The following BTRC variants were observed in gnomAD, a reference collection of about 807,000 sequenced individuals.
BTRC encodes F-box/WD repeat-containing protein 1A.
A neutral mutation model predicts 85.5 loss-of-function variants in BTRC; 42 were observed. The observed-to-expected ratio is 0.49, with a 90% confidence interval of 0.38 to 0.64. BTRC has a LOEUF of 0.64. Among genes scored for constraint, BTRC ranks in the 30% least tolerant of loss-of-function variants. The probability of loss-of-function intolerance (pLI) is 0.00; values close to 1 mark genes in which losing one functional copy is unlikely to be tolerated. For synonymous variants in BTRC, 255 were observed against 263.3 expected (o/e 0.97, Z 0.30); for missense variants, 594 against 743.5 (o/e 0.80, Z 2.34).
At chr10:101,447,776 G>T (rs978622829) in intron 2 of BTRC, among the ~76,000 whole-genome samples, 4 of 151,968 alleles carry the variant, frequency 2.6e-5, no homozygotes, top group Admixed American at 2.6e-4. Flanking sequence ...ATTAAAATTA[G>T]CCTAATTTGA....
chr10:101,498,772 C>T (rs1049277832), intron 4 of BTRC, among the ~76,000 whole-genome samples: 1 of 152,058 alleles, frequency 6.6e-6, no homozygotes, highest in Non-Finnish European at 1.5e-5. Context: ...AGGCAGATGA[C>T]CGAAGGTCAG....
chr10:101,435,127 T>C (rs763328210), intron 2 of BTRC, among the ~76,000 whole-genome samples: 2 of 152,174 alleles, frequency 1.3e-5, no homozygotes, highest in Non-Finnish European at 2.9e-5. Flanking sequence ...ACAGCAGTCT[T>C]AGTGCATTTG....
At chr10:101,415,968 G>A (rs777825666) in intron 1 of BTRC, among the ~76,000 whole-genome samples, 2 of 152,238 alleles carry the variant, frequency 1.3e-5, no homozygotes, top group Non-Finnish European at 2.9e-5. Context: ...TAGCACAGGA[G>A]CAATATGCTC....
intron 13 of BTRC, among the ~76,000 whole-genome samples, chr10:101,549,704 ACT>A (rs1247775499): frequency 2.2e-5 from 3 of 136,964 alleles, no homozygotes; most frequent in Admixed American, 1.5e-4. Context: ...AAAGAGCGAG[ACT>A]CTGTCTCAAA....
chr10:101,404,706 A>C (rs1448094422), intron 1 of BTRC, among the ~76,000 whole-genome samples: 1 of 152,006 alleles, frequency 6.6e-6, no homozygotes, highest in African/African-American at 2.4e-5. Flanking sequence ...CAGTTCTCAA[A>C]GTCTATGCCT....
At chr10:101,370,633 C>T (rs1348152548) in intron 1 of BTRC, among the ~76,000 whole-genome samples, 4 of 150,048 alleles carry the variant, frequency 2.7e-5, no homozygotes, top group Non-Finnish European at 1.5e-5. Context: ...CCCTTTCTCC[C>T]ATCTAGGCTC....
chr10:101,387,451 C>T (rs534391398), intron 1 of BTRC, among the ~76,000 whole-genome samples: 1 of 148,872 alleles, frequency 6.7e-6, no homozygotes, highest in Non-Finnish European at 1.5e-5. Flanking sequence ...CTTTATAATA[C>T]ACCTTTTTTA....
intron 1 of BTRC, among the ~76,000 whole-genome samples, chr10:101,387,134 A>G (rs1298665462): frequency 6.6e-6 from 1 of 152,014 alleles, no homozygotes; most frequent in South Asian, 2.1e-4. Flanking sequence ...TCATTTATTT[A>G]TATCAGTGCC....
At chr10:101,432,501 GT>G (rs1321102677) in intron 2 of BTRC, among the ~76,000 whole-genome samples, 2 of 152,024 alleles carry the variant, frequency 1.3e-5, no homozygotes, top group Non-Finnish European at 2.9e-5. Flanking sequence ...TAGTTTGTTG[GT>G]TTTTTTGTTT....
intron 13 of BTRC, among the ~76,000 whole-genome samples, chr10:101,540,023 C>T (rs1004816574): frequency 6.6e-6 from 1 of 152,170 alleles, no homozygotes; most frequent in African/African-American, 2.4e-5. Context: ...TTATAAGTTA[C>T]AAATGCATTA....
chr10:101,462,019 C>T lies in BTRC; in HGVS notation c.195C>T (p.Pro65=). ...GAGAAGACTGTAATAATGGCGAACC[C>T]CCTAGGAAGATAATACCAGAGAAGA... ...SEREDCNNGE[P]PRKIIPEKNS... is the part of the protein sequence containing the mutation. The change falls in exon 3 of 15, where the codon CCC becomes CCT. Residue 65 remains proline (P), a synonymous_variant. Coordinates refer to ENST00000370187, the MANE Select transcript of BTRC (RefSeq NM_033637.4). 1 of 1,612,170 alleles carries T rather than the reference C, an allele frequency of 6.2e-7. No homozygotes were observed. The highest frequency in any genetic ancestry group is 1.1e-5 in the South Asian group (1 of 90,970).
chr10:101,386,375 C>T (rs1943079865), intron 1 of BTRC, among the ~76,000 whole-genome samples: 1 of 152,172 alleles, frequency 6.6e-6, no homozygotes, highest in South Asian at 2.1e-4. Flanking sequence ...TTATGCTCTG[C>T]AGTTCTGGGG....
At chr10:101,477,451 A>T (rs776755244) in intron 3 of BTRC, among the ~76,000 whole-genome samples, 3 of 152,214 alleles carry the variant, frequency 2.0e-5, no homozygotes, top group Non-Finnish European at 2.9e-5. Flanking sequence ...TTTGCTTTTC[A>T]TAAAGTATAA....
intron 1 of BTRC, among the ~76,000 whole-genome samples, chr10:101,422,233 A>AT (rs1477979872): frequency 2.6e-5 from 4 of 152,074 alleles, no homozygotes; most frequent in African/African-American, 7.2e-5. Context: ...GATGATGAGC[A>AT]TTTTTTCATG....
At chr10:101,383,552 T>C (rs1451323647) in intron 1 of BTRC, among the ~76,000 whole-genome samples, 3 of 152,096 alleles carry the variant, frequency 2.0e-5, no homozygotes, top group Admixed American at 2.0e-4. Context: ...CAGGCTGGAG[T>C]GCAGTGGTTC....
At position 101,555,476 on chromosome 10, in the gene BTRC, T is replaced by C. The variant is rs2062713171; in HGVS notation, c.*2353T>C. ...GTTGAGGATATTCTCCAAGTTGTCC[T>C]CTCTCCTGCTGATGGAAATGGGAAT... On this transcript the variant is annotated 3_prime_UTR_variant, in exon 15 of 15. Coordinates refer to ENST00000370187, the MANE Select transcript of BTRC (RefSeq NM_033637.4). The C allele has an allele frequency of 6.6e-6, 1 of 152,636 alleles. No individual in the cohort carries two copies. Among genetic ancestry groups the C allele is most frequent in the Non-Finnish European group, 1.5e-5 (1 of 68,044 alleles). 9.5% of individuals were successfully genotyped at this position (152,636 alleles called of 1,614,324 possible).
intron 13 of BTRC, among the ~76,000 whole-genome samples, chr10:101,543,158 G>A (rs766324960): frequency 1.8e-4 from 28 of 152,176 alleles, no homozygotes; most frequent in Non-Finnish European, 2.6e-4. Context: ...GATTACAGGC[G>A]TGAGCCACCG....
chr10:101,355,085 T>C (rs1590190606), intron 1 of BTRC, among the ~76,000 whole-genome samples: 1 of 152,060 alleles, frequency 6.6e-6, no homozygotes, highest in East Asian at 1.9e-4. Context: ...AAAATGAGTA[T>C]CTAATAGGGT....
intron 4 of BTRC, among the ~76,000 whole-genome samples, chr10:101,491,348 A>T (rs1045513861): frequency 5.3e-5 from 8 of 152,178 alleles, no homozygotes; most frequent in African/African-American, 1.9e-4. Context: ...CAGTCCTTTC[A>T]TACCAACACA....
Sources: gnomAD v4.1 joint callset for allele counts (sites outside exome capture counted in the v4.1 genomes callset) on GRCh38, gnomAD v4.1.1 for gene constraint, MANE v1.5 for transcripts, NCBI Gene and HGNC (gene_info 2026-07-23, HGNC 2026-07-21) for gene names.